Variants in AIFM1 observed in about 807,000 individuals in gnomAD.
The protein encoded by AIFM1 is apoptosis-inducing factor 1, mitochondrial.
A neutral mutation model predicts 51.7 loss-of-function variants in AIFM1; 3 were observed. The ratio of observed to expected loss-of-function variants is 0.06; its 90% CI spans 0.03 to 0.15. The LOEUF is 0.15. AIFM1 is among the 10% of genes least tolerant of loss of function. AIFM1 has a pLI of 1.00. For synonymous variants in AIFM1, 178 were observed against 179.4 expected, an observed-to-expected ratio of 0.99 and a Z score of 0.06; for missense variants, 330 against 476.8, an observed-to-expected ratio of 0.69 and a Z score of 2.87.
At chrX:130,130,933 G>C (rs1276341276) in intron 14 of AIFM1, among the ~76,000 whole-genome samples, 8 of 112,227 alleles carry the variant, frequency 7.1e-5, no homozygotes, top group African/African-American at 2.6e-4. Context: ...TCAGAATTAA[G>C]GAATATGGAA....
At chrX:130,138,796 A>T in intron 8 of AIFM1, 95 bp from the exon 9 acceptor site, 1 of 599,489 alleles carries the variant, frequency 1.7e-6, no homozygotes, top group South Asian at 2.4e-5. Flanking sequence ...TGGCAAAAGT[A>T]AATTTTCTCC....
chrX:130,160,768 C>T (rs957339733), intron 1 of AIFM1, among the ~76,000 whole-genome samples: 12 of 110,219 alleles, frequency 1.1e-4, no homozygotes, highest in Non-Finnish European at 1.5e-4. Flanking sequence ...CCAGGGCAGG[C>T]GCGGTGGCTC....
intron 13 of AIFM1, among the ~76,000 whole-genome samples, chrX:130,132,368 G>A (rs759047957): frequency 3.6e-5 from 4 of 112,129 alleles, no homozygotes; most frequent in African/African-American, 6.5e-5. Context: ...GAATTTATTC[G>A]TGCTTTTATC....
Position 130,138,545 on chromosome X carries a change from C to T in AIFM1, c.967+48G>A, listed in dbSNP as rs12014323. On this transcript the variant is annotated intron_variant, in intron 9 of 15. Transcript: ENST00000287295. The stretch of plus-strand genomic sequence containing the variant: ...CACATCTCTGGGATTCACAGAAAAG[C>T]TATATAAGACTAGAGAAAGAAAATC... 7.7e-3 allele frequency: 6,775 copies of T among 877,130 alleles called. 183 individuals carry two copies. The African/African-American group carries it at 0.094, about 12-fold the overall frequency. 72.3% of individuals were successfully genotyped at this position (877,130 alleles called of 1,213,427 possible). A position where few individuals can be genotyped will look rare whatever the true frequency, so the allele number is the denominator to read the frequency against.
intron 6 of AIFM1, among the ~76,000 whole-genome samples, chrX:130,142,377 G>A (rs2030608679): frequency 9.0e-6 from 1 of 111,049 alleles, no homozygotes. Context: ...AACCCTCACG[G>A]TGTTCGCTCT....
chrX:130,138,757 A>C, intron 8 of AIFM1, 56 bp from the exon 9 acceptor site: 1 of 838,901 alleles, frequency 1.2e-6, no homozygotes, highest in Non-Finnish European at 1.8e-6. Flanking sequence ...TAGGATAATA[A>C]TACTAGAAAG....
rs1333494789 is a variant in AIFM1 at position 130,165,651 on chromosome X, G to C, written c.6C>G (p.Phe2Leu). The change falls in exon 1 of 16, where the codon TTC becomes TTG. Residue 2 changes from phenylalanine to leucine, a missense_variant. By Grantham distance (22) the Phe-to-Leu change is conservative. This residue lies in a region of AIFM1 where 110 missense variants were observed against 103.1 expected (regional missense o/e 1.07). Coordinates refer to ENST00000287295, the MANE Select transcript of AIFM1 (RefSeq NM_004208.4). ...CACCCGCCGCCAGGCCTCCACACCG[G>C]AACATTTCGGCGACCGCTATTCGGG... Reference protein sequence around the residue: MFRCGGLAAGAL... With the variant: MLRCGGLAAGAL... The C allele has an allele frequency of 4.2e-6, 5 of 1,192,289 alleles. No homozygotes were observed. The highest frequency in any genetic ancestry group is 5.7e-6 in the Non-Finnish European group (5 of 884,617).
intron 6 of AIFM1, among the ~76,000 whole-genome samples, chrX:130,142,480 C>T (rs1344907886): frequency 9.0e-6 from 1 of 111,238 alleles, no homozygotes; most frequent in Non-Finnish European, 1.9e-5. Context: ...TGAGGGCTCC[C>T]CACCACCCCC....
chrX:130,133,560 T>C, intron 12 of AIFM1, 105 bp from the exon 13 acceptor site: 1 of 980,008 alleles, frequency 1.0e-6, no homozygotes, highest in East Asian at 3.1e-5. Context: ...TAATGGTAAC[T>C]AATTCATGTT....
chrX:130,158,119 C>T (rs1447322955), intron 1 of AIFM1, among the ~76,000 whole-genome samples: 1 of 100,553 alleles, frequency 9.9e-6, no homozygotes, highest in Non-Finnish European at 2.0e-5. Context: ...AAAAAATTAG[C>T]CGGGCGTGGT....
intron 1 of AIFM1, among the ~76,000 whole-genome samples, chrX:130,161,513 G>GAA (rs777227605): frequency 1.5e-4 from 9 of 60,915 alleles, no homozygotes; most frequent in Admixed American, 2.1e-4. Flanking sequence ...TCTGTTTGAA[G>GAA]AAAAAAAAAA....
rs376239464 is a variant in AIFM1 at position 130,164,155 on chromosome X, G to A, written c.106+1396C>T. Among the ~76,000 whole-genome samples, 11 of 88,679 alleles carry A rather than the reference G, an allele frequency of 1.2e-4. No individual in the cohort carries two copies. In the East Asian group the frequency reaches 3.2e-3, roughly 26 times the overall value. The allele number at this position is 88,679 out of a possible 115,157, so 77.0% of individuals were successfully genotyped here. A position where few individuals can be genotyped will look rare whatever the true frequency, so the allele number is the denominator to read the frequency against. The stretch of plus-strand genomic sequence containing the variant: ...TGCACTCCAGCCTGGGCGACAAAGC[G>A]AGACTCCGTCTCAAAAAAAAAAAAA... On this transcript the variant is annotated intron_variant, in intron 1 of 15. Transcript: ENST00000287295.
At chrX:130,138,398 G>C (rs1045198869) in intron 9 of AIFM1, among the ~76,000 whole-genome samples, 195 bp downstream of exon 9, 10 of 111,476 alleles carry the variant, frequency 9.0e-5, no homozygotes, top group African/African-American at 3.3e-4. Context: ...CCGGGAAGCG[G>C]AGCTTGCAGT....
intron 6 of AIFM1, 34 bp from the exon 7 acceptor site, chrX:130,140,651 G>A: frequency 9.4e-7 from 1 of 1,065,159 alleles, no homozygotes; most frequent in South Asian, 1.9e-5. Flanking sequence ...AAAAGAGGTA[G>A]AGATGAATTA....
At position 130,165,747 on chromosome X, in the gene AIFM1, A is replaced by AGTC; in HGVS notation, c.-94_-92dup. On this transcript the variant is annotated 5_prime_UTR_variant, in exon 1 of 16. Transcript: ENST00000287295. ...ACCGTGAGCCCCGGCCAGCTCCCCC[A>AGTC]GTCTCTTCACACGCACATTACGCAG... 3 of 757,193 alleles carry AGTC rather than the reference A, an allele frequency of 4.0e-6. No homozygotes were observed. The highest frequency in any genetic ancestry group is 6.0e-6 in the Non-Finnish European group (3 of 498,308). 62.4% of individuals were successfully genotyped at this position (757,193 alleles called of 1,213,427 possible).
Position 130,133,469 on chromosome X carries a change from T to C in AIFM1, c.1306-14A>G. 8.3e-7 allele frequency: 1 copy of C among 1,201,242 alleles called. No homozygotes were observed. The highest frequency in any genetic ancestry group is 1.1e-6 in the Non-Finnish European group (1 of 891,129). Reference sequence around the variant, plus strand: ...AGCATCTCCTGCCTGTGGAAACAAATACATAACATGAACACATGATAAAAA... The same window carrying C: ...AGCATCTCCTGCCTGTGGAAACAAACACATAACATGAACACATGATAAAAA... On this transcript the variant is annotated splice_polypyrimidine_tract_variant and intron_variant, in intron 12 of 15. Coordinates refer to ENST00000287295, the MANE Select transcript of AIFM1 (RefSeq NM_004208.4).
In AIFM1 at chrX:130,131,801, TAAG is replaced by T. The variant is rs761992721; in HGVS notation, c.1449-5_1449-3del. On this transcript the variant is annotated splice_region_variant and splice_polypyrimidine_tract_variant and intron_variant, in intron 13 of 15. Coordinates refer to ENST00000287295, the MANE Select transcript of AIFM1 (RefSeq NM_004208.4). ...CCAACATCGGGGCCCAAATCACTCC[TAAG>T]AAGAGAGAAGAGGGTGTTCTGTCAA... 62 of 1,209,403 alleles carry T rather than the reference TAAG, an allele frequency of 5.1e-5. No homozygotes were observed. The highest frequency in any genetic ancestry group is 8.7e-5 in the African/African-American group (5 of 57,160).
At chrX:130,137,520 A>G in intron 9 of AIFM1, 1 of 1,166,748 alleles carries the variant, frequency 8.6e-7, no homozygotes, top group Non-Finnish European at 1.1e-6. Context: ...CCCTGATTTC[A>G]TATATCTGAA....
intron 1 of AIFM1, among the ~76,000 whole-genome samples, chrX:130,159,201 A>G (rs1044083910): frequency 8.9e-6 from 1 of 111,838 alleles, no homozygotes; most frequent in African/African-American, 3.3e-5. Flanking sequence ...ATGAGTTATG[A>G]AAACTTGATA....
Sources: allele counts gnomAD v4.1 joint callset (sites outside exome capture counted in the v4.1 genomes callset), GRCh38; gene constraint gnomAD v4.1.1; regional missense constraint gnomAD v4.1.1; transcripts MANE v1.5; gene names NCBI Gene and HGNC (gene_info 2026-07-23, HGNC 2026-07-21).